The following SERP2 variants were observed in gnomAD, a reference collection of about 807,000 sequenced individuals.
The protein encoded by SERP2 is stress associated endoplasmic reticulum protein family member 2, also known as stress-associated endoplasmic reticulum protein 2.
Under a neutral mutation model 9.1 loss-of-function variants are expected in SERP2, and 6 were observed. The ratio of observed to expected loss-of-function variants is 0.66; its 90% CI spans 0.36 to 1.30. SERP2 has a LOEUF of 1.30. Among genes scored for constraint, SERP2 ranks in the 50% most tolerant of loss-of-function variants. The probability of loss-of-function intolerance (pLI) is 0.03; values close to 1 mark genes in which losing one functional copy is unlikely to be tolerated. For missense variants in SERP2, 58 were observed against 81.9 expected (o/e 0.71, Z 1.13); for synonymous variants, 37 against 27.3 (o/e 1.35, Z -1.10).
chr13:44,376,534 G>A (rs945626278), intron 1 of SERP2, among the ~76,000 whole-genome samples: 22 of 152,218 alleles, frequency 1.4e-4, no homozygotes, highest in African/African-American at 4.8e-4. Context: ...CAGCACTTTC[G>A]GAGGCCAAGG....
intron 2 of SERP2, chr13:44,390,301 A>ACCCCCCCCC: frequency 1.3e-5 from 1 of 75,166 alleles, no homozygotes; most frequent in South Asian, 8.0e-5. Flanking sequence ...CGGTGTCCCC[A>ACCCCCCCCC]CCCACCCGCC....
In SERP2 at chr13:44,379,698, G is replaced by T. The variant is rs1489413252; in HGVS notation, c.142G>T (p.Val48Phe). Residue 48 changes from valine (V) to phenylalanine (F), a missense_variant, in exon 2 of 3, where the codon GTT (valine) becomes TTT (phenylalanine). Physicochemically the swap from Val to Phe is conservative, Grantham distance 50. Transcript: ENST00000379179. ...ATGGCTGTTGGCACTGTTTGTTTTT[G>T]TTGTCTGTGGCTCAGGTATGGGTGT... ...GPWLLALFVF[V>F]VCGSAIFQII... 4.3e-6 allele frequency: 7 copies of T among 1,612,142 alleles called. No homozygotes were observed.
At chr13:44,379,974 G>A (rs1451746795) in intron 2 of SERP2, among the ~76,000 whole-genome samples, 1 of 152,194 alleles carries the variant, frequency 6.6e-6, no homozygotes, top group East Asian at 1.9e-4. Flanking sequence ...GTAGAGTTCA[G>A]TAAAGTCTTT....
At chr13:44,374,181 G>GGGGGGGGGGGGGGGGGC in intron 1 of SERP2, 72 bp downstream of exon 1, 3 of 448,632 alleles carry the variant, frequency 6.7e-6, no homozygotes, top group East Asian at 7.5e-5. Flanking sequence ...TGGGGGCGGG[G>GGGGGGGGGGGGGGGGGC]CCGGGCGGGT....
At chr13:44,383,544 G>GTTTT (rs373109847) in intron 2 of SERP2, among the ~76,000 whole-genome samples, 996 of 91,632 alleles carry the variant, frequency 0.011, 56 homozygotes, top group Non-Finnish European at 0.012. Context: ...GGAGGTTTGC[G>GTTTT]TTTTTTTTGT....
At chr13:44,392,920 G>A (rs936947867) in intron 2 of SERP2, among the ~76,000 whole-genome samples, 1 of 152,148 alleles carries the variant, frequency 6.6e-6, no homozygotes, top group Non-Finnish European at 1.5e-5. Flanking sequence ...GAATGTCAGC[G>A]CTTATGTTTA....
Position 44,373,849 on chromosome 13 carries a change from T to G in SERP2, c.-177T>G, listed in dbSNP as rs1871451496. 7.3e-6 allele frequency: 4 copies of G among 550,722 alleles called. No homozygotes were observed. Among genetic ancestry groups the G allele is most frequent in the Non-Finnish European group, 1.3e-5 (4 of 315,476 alleles). The allele number at this position is 550,722 out of a possible 1,614,324, so 34.1% of individuals were successfully genotyped here. On this transcript the variant is annotated 5_prime_UTR_variant, in exon 1 of 3. Coordinates refer to ENST00000379179, the MANE Select transcript of SERP2 (RefSeq NM_001010897.3). The surrounding 1 kb of genome is among the most constrained non-coding windows in gnomAD (Gnocchi z 4.8). ...ACTTCCGTCCGGGCTGCGGCCTCTC[T>G]CTGGAGTCGGCTAGCCGGGGCTCGG...
At chr13:44,381,192 C>T (rs1246536506) in intron 2 of SERP2, among the ~76,000 whole-genome samples, 9 of 144,554 alleles carry the variant, frequency 6.2e-5, no homozygotes, top group East Asian at 4.1e-4. Flanking sequence ...AGCCAGAGAT[C>T]GCGCCATTGC....
At chr13:44,381,260 A>AT (rs1158345085) in intron 2 of SERP2, among the ~76,000 whole-genome samples, 1 of 147,994 alleles carries the variant, frequency 6.8e-6, no homozygotes, top group Admixed American at 6.8e-5. Flanking sequence ...AAAAAAAAAA[A>AT]GCCAGGCGCA....
At chr13:44,392,850 G>T (rs1872859984) in intron 2 of SERP2, among the ~76,000 whole-genome samples, 1 of 152,144 alleles carries the variant, frequency 6.6e-6, no homozygotes, top group Non-Finnish European at 1.5e-5. Flanking sequence ...ACTGTGGGCT[G>T]GGAGGCATTG....
chr13:44,384,328 A>G lies in SERP2; in HGVS notation c.157+4615A>G, dbSNP rs535516361. Among the ~76,000 whole-genome samples, 10 of 152,332 alleles carry G rather than the reference A, an allele frequency of 6.6e-5. No homozygotes were observed. In the East Asian group the frequency reaches 7.7e-4, roughly 12 times the overall value. ...TTATCCTGTTTTAGGGTCACAGGCC[A>G]TAAGTGCCTACCCTTCTTTTCTCTA... On this transcript the variant is annotated intron_variant, in intron 2 of 2. Transcript: ENST00000379179.
chr13:44,383,543 C>A (rs9567423), intron 2 of SERP2, among the ~76,000 whole-genome samples: 2 of 26,342 alleles, frequency 7.6e-5, no homozygotes, highest in African/African-American at 1.7e-4. Flanking sequence ...TGGAGGTTTG[C>A]GTTTTTTTTG....
At chr13:44,388,350 G>A (rs910480835) in intron 2 of SERP2, among the ~76,000 whole-genome samples, 2 of 152,186 alleles carry the variant, frequency 1.3e-5, no homozygotes, top group Admixed American at 1.3e-4. Context: ...GAATGTGTAT[G>A]TATATGCATG....
chr13:44,380,672 AAATATTTT>A (rs1871921043), intron 2 of SERP2, among the ~76,000 whole-genome samples: 1 of 152,216 alleles, frequency 6.6e-6, no homozygotes, highest in Non-Finnish European at 1.5e-5. Flanking sequence ...CTTGTGGCTC[AAATATTTT>A]AAAGATGATT....
At position 44,373,948 on chromosome 13, in the gene SERP2, G is replaced by A. The variant is rs938587658; in HGVS notation, c.-78G>A. Reference sequence around the variant, plus strand: ...CCGGGTGGGCCGCGGGGGCCTCGGCGGGACGCGCTCGGCCCTGTCGCAGGA... The same window carrying A: ...CCGGGTGGGCCGCGGGGGCCTCGGCAGGACGCGCTCGGCCCTGTCGCAGGA... On this transcript the variant is annotated 5_prime_UTR_variant, in exon 1 of 3. Coordinates refer to ENST00000379179, the MANE Select transcript of SERP2 (RefSeq NM_001010897.3). This position sits in a 1 kb window ranked among gnomAD's most constrained non-coding sequence, Gnocchi z 4.8. The A allele has an allele frequency of 7.3e-7, 1 of 1,369,182 alleles. No homozygotes were observed. The highest frequency in any genetic ancestry group is 1.3e-5 in the South Asian group (1 of 78,664). The allele number at this position is 1,369,182 out of a possible 1,614,324, so 84.8% of individuals were successfully genotyped here.
intron 2 of SERP2, among the ~76,000 whole-genome samples, chr13:44,384,738 C>T (rs1411486861): frequency 6.6e-6 from 1 of 152,174 alleles, no homozygotes; most frequent in Non-Finnish European, 1.5e-5. Context: ...CCTTGGAGGT[C>T]ATATGGCCTT....
intron 1 of SERP2, among the ~76,000 whole-genome samples, chr13:44,374,387 C>T (rs144230408): frequency 6.6e-6 from 1 of 152,182 alleles, no homozygotes; most frequent in Non-Finnish European, 1.5e-5. Context: ...CCCTCCTCCC[C>T]GACCCGCACC....
intron 2 of SERP2, among the ~76,000 whole-genome samples, chr13:44,388,632 G>C (rs1017511140): frequency 6.6e-6 from 1 of 152,100 alleles, no homozygotes; most frequent in African/African-American, 2.4e-5. Flanking sequence ...GTTAACAGGC[G>C]GCACTTTCCC....
intron 2 of SERP2, among the ~76,000 whole-genome samples, chr13:44,379,933 A>G (rs1055985364): frequency 1.3e-5 from 2 of 152,266 alleles, no homozygotes; most frequent in Non-Finnish European, 2.9e-5. Context: ...TAAAATGATT[A>G]CACTGAGTAG....
Sources: gnomAD v4.1 joint callset for allele counts (sites outside exome capture counted in the v4.1 genomes callset) on GRCh38, gnomAD v4.1.1 for gene constraint, Gnocchi (gnomAD v3.1) non-coding constraint, MANE v1.5 for transcripts, NCBI Gene and HGNC (gene_info 2026-07-23, HGNC 2026-07-21) for gene names.